The following PRKN variants were observed in gnomAD, a reference collection of about 807,000 sequenced individuals.
The protein encoded by PRKN is parkin RBR E3 ubiquitin protein ligase.
Under a neutral mutation model 59.5 loss-of-function variants are expected in PRKN, and 56 were observed. That is an observed-to-expected ratio of 0.94 (90% CI 0.76 to 1.18). PRKN has a LOEUF of 1.18. Ranked by LOEUF, PRKN falls within the 50% of genes most tolerant of loss-of-function variation. PRKN has a pLI of 0.00. For missense variants in PRKN, 657 were observed against 596.4 expected (o/e 1.10, Z -1.06); for synonymous variants, 250 against 222.1 (o/e 1.13, Z -1.12).
intron 6 of PRKN, among the ~76,000 whole-genome samples, chr6:161,807,603 G>A (rs750537113): frequency 2.0e-5 from 3 of 152,180 alleles, no homozygotes; most frequent in Non-Finnish European, 4.4e-5. Flanking sequence ...CCTGGCTTCT[G>A]GTGTTGCCAG....
chr6:161,785,686 C>T (rs1332958543), intron 7 of PRKN, 86 bp downstream of exon 7: 16 of 1,275,442 alleles, frequency 1.3e-5, no homozygotes, highest in East Asian at 9.5e-5. Context: ...CTAGGGTTTA[C>T]GTATATCTAA....
At chr6:161,943,288 A>T (rs1779633907) in intron 6 of PRKN, among the ~76,000 whole-genome samples, 1 of 152,234 alleles carries the variant, frequency 6.6e-6, no homozygotes, top group African/African-American at 2.4e-5. Context: ...AAAATTAACA[A>T]ACCACAAAAT....
chr6:161,990,145 C>A (rs1039786793), intron 5 of PRKN, among the ~76,000 whole-genome samples: 1 of 152,190 alleles, frequency 6.6e-6, no homozygotes, highest in African/African-American at 2.4e-5. Flanking sequence ...CAAAGTTTGG[C>A]ATACCCAAAC....
At chr6:162,343,488 A>T (rs182550135) in intron 2 of PRKN, among the ~76,000 whole-genome samples, 73 of 152,326 alleles carry the variant, frequency 4.8e-4, no homozygotes, top group African/African-American at 1.7e-3. Context: ...TCCCAGAAAC[A>T]GTAATAAGAA....
intron 2 of PRKN, among the ~76,000 whole-genome samples, chr6:162,272,985 G>C (rs1343234087): frequency 4.1e-5 from 5 of 122,636 alleles, no homozygotes; most frequent in Non-Finnish European, 6.5e-5. Flanking sequence ...GGGTGACAGA[G>C]TAAGCCTGTG....
At chr6:162,490,174 C>T (rs1324197660) in intron 1 of PRKN, among the ~76,000 whole-genome samples, 1 of 152,178 alleles carries the variant, frequency 6.6e-6, no homozygotes. Flanking sequence ...GGAGCCTCTA[C>T]ACCCTTATTA....
chr6:161,417,802 G>A lies in PRKN; in HGVS notation c.1084-30925C>T, dbSNP rs921736883. ...AAATTAGATGAAAATACCAGCTTTT[G>A]TAAATCAACAGTGTCTAATAATCCC... On this transcript the variant is annotated intron_variant, in intron 9 of 11. Transcript: ENST00000366898. This position sits in a 1 kb window ranked among gnomAD's most constrained non-coding sequence, Gnocchi z 5.4. Among the ~76,000 whole-genome samples the A allele has an allele frequency of 2.0e-5, 3 of 152,204 alleles. No individual in the cohort carries two copies. The highest frequency in any genetic ancestry group is 4.8e-5 in the African/African-American group (2 of 41,446).
At chr6:162,596,233 C>A (rs1781490541) in intron 1 of PRKN, among the ~76,000 whole-genome samples, 1 of 152,150 alleles carries the variant, frequency 6.6e-6, no homozygotes, top group African/African-American at 2.4e-5. Flanking sequence ...AATCATAAGA[C>A]AATGGTTTAT....
chr6:162,181,795 G>C (rs1171198564), intron 4 of PRKN, among the ~76,000 whole-genome samples: 2 of 152,102 alleles, frequency 1.3e-5, no homozygotes, highest in African/African-American at 4.8e-5. Flanking sequence ...CCCTGCCCAA[G>C]AGAAAAGTGC....
chr6:162,288,589 G>C (rs1242819471), intron 2 of PRKN, among the ~76,000 whole-genome samples: 1 of 152,084 alleles, frequency 6.6e-6, no homozygotes, highest in Non-Finnish European at 1.5e-5. Context: ...GCAAGTCATC[G>C]TAAGTTCTAC....
At chr6:162,292,202 G>A (rs528606613) in intron 2 of PRKN, among the ~76,000 whole-genome samples, 96 of 152,124 alleles carry the variant, frequency 6.3e-4, no homozygotes, top group African/African-American at 2.0e-3. Context: ...GACCTCAGGT[G>A]ATCTGCCCAC....
intron 1 of PRKN, among the ~76,000 whole-genome samples, chr6:162,543,528 T>C (rs575232128): frequency 1.3e-5 from 2 of 152,200 alleles, no homozygotes; most frequent in African/African-American, 2.4e-5. Context: ...TTTGTATAAG[T>C]GTGTTCTAAG....
chr6:162,346,035 C>A (rs534453020), intron 2 of PRKN, among the ~76,000 whole-genome samples: 2 of 152,106 alleles, frequency 1.3e-5, no homozygotes, highest in Non-Finnish European at 1.5e-5. Flanking sequence ...CATGTTATGA[C>A]ACAGGAGAAA....
At chr6:161,564,287 T>C (rs73593459) in intron 8 of PRKN, among the ~76,000 whole-genome samples, 2,491 of 152,254 alleles carry the variant, frequency 0.016, 81 homozygotes, top group African/African-American at 0.058. Context: ...CTGACTGATA[T>C]GCCCTGTTCA....
chr6:162,588,682 G>C (rs1781172975), intron 1 of PRKN, among the ~76,000 whole-genome samples: 1 of 152,106 alleles, frequency 6.6e-6, no homozygotes, highest in Non-Finnish European at 1.5e-5. Flanking sequence ...CTCCCGAGTA[G>C]CTGGGACTAC....
intron 9 of PRKN, among the ~76,000 whole-genome samples, chr6:161,506,311 G>A (rs1778168135): frequency 1.3e-5 from 2 of 152,236 alleles, no homozygotes; most frequent in South Asian, 4.2e-4. Context: ...GTTCACTCAT[G>A]ATTTGGCTCT....
chr6:162,549,084 AG>A (rs1249625399), intron 1 of PRKN, among the ~76,000 whole-genome samples: 1 of 151,940 alleles, frequency 6.6e-6, no homozygotes, highest in Non-Finnish European at 1.5e-5. Context: ...GGGCATTCGG[AG>A]GGTTATTAGG....
At chr6:162,624,024 G>C (rs1412292537) in intron 1 of PRKN, among the ~76,000 whole-genome samples, 1 of 151,990 alleles carries the variant, frequency 6.6e-6, no homozygotes, top group Non-Finnish European at 1.5e-5. Context: ...CGAGGTGGGC[G>C]GATCACCTGA....
At chr6:162,287,904 C>T (rs1003836800) in intron 2 of PRKN, among the ~76,000 whole-genome samples, 3 of 152,176 alleles carry the variant, frequency 2.0e-5, no homozygotes, top group Non-Finnish European at 4.4e-5. Flanking sequence ...CGAGGCGTGA[C>T]TAACCCAGCA....
Sources: allele counts gnomAD v4.1 joint callset (sites outside exome capture counted in the v4.1 genomes callset), GRCh38; gene constraint gnomAD v4.1.1; non-coding constraint Gnocchi (gnomAD v3.1); transcripts MANE v1.5; gene names NCBI Gene and HGNC (gene_info 2026-07-23, HGNC 2026-07-21).